Variants in ZNF273 observed in about 807,000 individuals in gnomAD.
ZNF273 encodes the protein zinc finger protein 273.
ZNF273 carries 11 observed loss-of-function variants against 14.9 expected under a neutral mutation model. That is an observed-to-expected ratio of 0.74 (90% CI 0.46 to 1.22). The LOEUF (loss-of-function observed/expected upper bound fraction) is 1.22, where lower values mean the gene tolerates loss of function less well. ZNF273 is among the 50% of genes most tolerant of loss of function. ZNF273 has a pLI of 0.00. For synonymous variants in ZNF273, 199 were observed against 223.9 expected (o/e 0.89, Z 0.99); for missense variants, 577 against 660.6 (o/e 0.87, Z 1.39).
chr7:64,914,381 T>C (rs1793804838), intron 1 of ZNF273, among the ~76,000 whole-genome samples: 1 of 151,042 alleles, frequency 6.6e-6, no homozygotes, highest in Non-Finnish European at 1.5e-5. Flanking sequence ...TTATTACTTA[T>C]TATTTTTATT....
At chr7:64,894,345 C>T (rs1427654090), downstream of ZNF273, among the ~76,000 whole-genome samples, 3 of 151,988 alleles carry the variant, frequency 2.0e-5, no homozygotes, top group Non-Finnish European at 4.4e-5. Flanking sequence ...AGGTCCTGTC[C>T]GTCTGGATAT....
intron 1 of ZNF273, 73 bp downstream of exon 1, chr7:64,903,492 G>A (rs371292453): frequency 7.0e-7 from 1 of 1,427,560 alleles, no homozygotes; most frequent in Non-Finnish European, 9.8e-7. Context: ...TGGATGTGGC[G>A]AGACTCCGGC....
intron 1 of ZNF273, among the ~76,000 whole-genome samples, chr7:64,885,208 A>T (rs1350205162): frequency 6.6e-6 from 1 of 152,090 alleles, no homozygotes; most frequent in Non-Finnish European, 1.5e-5. Context: ...AGGCAGGGAT[A>T]AGCCAGCCTT....
chr7:64,888,586 C>T (rs1791753444), exon 2 of ZNF273: 1 of 985,874 alleles, frequency 1.0e-6, no homozygotes, highest in Non-Finnish European at 1.2e-6. Flanking sequence ...CACTTAGCAC[C>T]TGCCCGCCCT....
chr7:64,889,681 C>G, downstream of ZNF273: 1 of 985,936 alleles, frequency 1.0e-6, no homozygotes, highest in Non-Finnish European at 1.2e-6. The surrounding 1 kb of genome is among the most constrained non-coding windows in gnomAD (Gnocchi z 4.2). Flanking sequence ...CCTGGGGCCC[C>G]TCCGCCCCGC....
At chr7:64,908,512 C>T (rs1793270814) in intron 1 of ZNF273, among the ~76,000 whole-genome samples, 1 of 152,188 alleles carries the variant, frequency 6.6e-6, no homozygotes, top group Non-Finnish European at 1.5e-5. Flanking sequence ...GGCTACAGTG[C>T]AGTGGCATGA....
At chr7:64,923,404 G>C (rs780989436) in intron 3 of ZNF273, 12 of 454,198 alleles carry the variant, frequency 2.6e-5, no homozygotes, top group Non-Finnish European at 4.9e-5. Flanking sequence ...GCAGTGGCGT[G>C]ATCTTGGGTT....
upstream of ZNF273, among the ~76,000 whole-genome samples, chr7:64,902,584 G>A (rs1179007581): frequency 6.6e-6 from 1 of 152,100 alleles, no homozygotes; most frequent in African/African-American, 2.4e-5. Context: ...AGAAAAATTA[G>A]CCAGCTACTC....
At position 64,913,129 on chromosome 7, in the gene ZNF273, G is replaced by A. The variant is rs377395487; in HGVS notation, c.103-4452G>A. Among the ~76,000 whole-genome samples, 125 of 151,834 alleles carry A rather than the reference G, an allele frequency of 8.2e-4. 1 individual carries two copies. In the South Asian group the frequency reaches 0.023, roughly 28 times the overall value. ...ATTACAGGCCTGAGCCACTGCACCCGGCCAGCAACTTATTTTCTATTCTTG... is the reference window on the plus strand; with the variant it reads ...ATTACAGGCCTGAGCCACTGCACCCAGCCAGCAACTTATTTTCTATTCTTG... On this transcript the variant is annotated intron_variant, in intron 1 of 3. Coordinates refer to ENST00000476120, the MANE Select transcript of ZNF273 (RefSeq NM_021148.3).
chr7:64,878,290 A>T (rs1791166997), intron 1 of ZNF273: 1 of 152,168 alleles, frequency 6.6e-6, no homozygotes, highest in South Asian at 2.1e-4. Context: ...TAGAAATAAG[A>T]GGAGCACACT....
intron 1 of ZNF273, among the ~76,000 whole-genome samples, chr7:64,914,443 C>T (rs1239772013): frequency 1.3e-5 from 2 of 151,804 alleles, no homozygotes; most frequent in Non-Finnish European, 2.9e-5. Flanking sequence ...GTTATTTTCA[C>T]ACCAACCTAA....
rs538207576 is a variant in ZNF273, at chr7:64,922,520, C to T, written c.325+4228C>T. Reference sequence around the variant, plus strand: ...AGAGATGGGGTTTCATCATGTTGGCCGGGCTGGTCTTGAACTCCTGACCTC... The same window carrying T: ...AGAGATGGGGTTTCATCATGTTGGCTGGGCTGGTCTTGAACTCCTGACCTC... On this transcript the variant is annotated intron_variant, in intron 3 of 3. Coordinates refer to ENST00000476120, the MANE Select transcript of ZNF273 (RefSeq NM_021148.3). Among the ~76,000 whole-genome samples, 5 of 151,850 alleles carry T rather than the reference C, an allele frequency of 3.3e-5. No homozygotes were observed. The East Asian group carries it at 5.9e-4, about 18-fold the overall frequency.
chr7:64,909,324 G>A (rs1049411303), intron 1 of ZNF273, among the ~76,000 whole-genome samples: 1 of 151,174 alleles, frequency 6.6e-6, no homozygotes, highest in Admixed American at 6.6e-5. Context: ...ACCCAGGCTC[G>A]AGCGACTCTC....
At chr7:64,892,413 TAGAAG>T (rs1792091985), downstream of ZNF273, among the ~76,000 whole-genome samples, 1 of 152,180 alleles carries the variant, frequency 6.6e-6, no homozygotes. Flanking sequence ...TTATTGTAAA[TAGAAG>T]AGAAGCTAGG....
At chr7:64,923,492 C>A in intron 3 of ZNF273, 1 of 396,334 alleles carries the variant, frequency 2.5e-6, no homozygotes, top group Non-Finnish European at 4.9e-6. Flanking sequence ...TAGGCGAGTG[C>A]CATCATGCCC....
chr7:64,893,687 TCCCCCTCCCC>T (rs1792182466), downstream of ZNF273: 1 of 17,918 alleles, frequency 5.6e-5, no homozygotes, highest in Non-Finnish European at 1.1e-4. Context: ...ACCCCTCCCC[TCCCCCTCCCC>T]TCCCCCTCCC....
chr7:64,898,395 G>T (rs774194114), upstream of ZNF273, among the ~76,000 whole-genome samples: 1 of 152,056 alleles, frequency 6.6e-6, no homozygotes, highest in Admixed American at 6.6e-5. Context: ...TAGTACTCGC[G>T]TGCCAAACGC....
In ZNF273 at chr7:64,914,196, T is replaced by G. The variant is rs1479521421; in HGVS notation, c.103-3385T>G. On this transcript the variant is annotated intron_variant, in intron 1 of 3. Transcript: ENST00000476120. The stretch of plus-strand genomic sequence containing the variant: ...GTAATTTTTGTATTTTTTTTTTTTT[T>G]TTTTTTTTTTTTAGTACAGATGGGG... 4.5e-4 allele frequency among the ~76,000 whole-genome samples: 59 copies of G among 130,350 alleles called. 1 individual carries two copies. The highest frequency in any genetic ancestry group is 8.4e-4 in the Non-Finnish European group (50 of 59,830). The allele number at this position is 130,350 out of a possible 152,430, so 85.5% of individuals were successfully genotyped here. A position where few individuals can be genotyped will look rare whatever the true frequency, so the allele number is the denominator to read the frequency against.
chr7:64,903,538 G>C, intron 1 of ZNF273, 119 bp downstream of exon 1: 1 of 1,041,644 alleles, frequency 9.6e-7, no homozygotes, highest in Non-Finnish European at 1.5e-6. Context: ...GCGGCCAGGA[G>C]TTCTCCTTGG....
Sources: gnomAD v4.1 joint callset for allele counts (sites outside exome capture counted in the v4.1 genomes callset) on GRCh38, gnomAD v4.1.1 for gene constraint, Gnocchi (gnomAD v3.1) non-coding constraint, MANE v1.5 for transcripts, NCBI Gene and HGNC (gene_info 2026-07-23, HGNC 2026-07-21) for gene names.